SPOPL: variants seen among roughly 807,000 people sequenced by gnomAD.
SPOPL encodes the protein speckle-type POZ protein-like.
Under a neutral mutation model 53.8 loss-of-function variants are expected in SPOPL, and 23 were observed. The ratio of observed to expected loss-of-function variants is 0.43; its 90% CI spans 0.31 to 0.61. The LOEUF (loss-of-function observed/expected upper bound fraction) is 0.61, where lower values mean the gene tolerates loss of function less well. Ranked by LOEUF, SPOPL falls within the 20% of genes least tolerant of loss-of-function variation. The pLI is 0.12. For missense variants in SPOPL, 442 were observed against 466.9 expected, an observed-to-expected ratio of 0.95 and a Z score of 0.49; for synonymous variants, 164 against 149.7, an observed-to-expected ratio of 1.10 and a Z score of -0.70.
chr2:138,541,383 T>G (rs1271669962), intron 1 of SPOPL, among the ~76,000 whole-genome samples: 1 of 152,194 alleles, frequency 6.6e-6, no homozygotes, highest in Non-Finnish European at 1.5e-5. Flanking sequence ...TGCACTTTTT[T>G]TGGTTGGTAA....
rs1685810202 is a variant in SPOPL at position 138,572,539 on chromosome 2, A to G, written c.*3459A>G. 1.3e-5 allele frequency: 2 copies of G among 152,534 alleles called. No individual in the cohort carries two copies. The highest frequency in any genetic ancestry group is 1.5e-5 in the Non-Finnish European group (1 of 67,986). 9.4% of individuals were successfully genotyped at this position (152,534 alleles called of 1,614,324 possible). ...CTTAAGTATACTTGGCTTAGAGCCA[A>G]GTATACTTGAAGAGGTGAATTATTC... On this transcript the variant is annotated 3_prime_UTR_variant, in exon 11 of 11. Transcript: ENST00000280098.
chr2:138,529,241 T>C (rs1684747398), intron 1 of SPOPL, among the ~76,000 whole-genome samples: 1 of 152,184 alleles, frequency 6.6e-6, no homozygotes, highest in Non-Finnish European at 1.5e-5. Context: ...CTACTAGAAA[T>C]GGTTGTCCCT....
chr2:138,546,947 T>C (rs752759279), intron 1 of SPOPL, among the ~76,000 whole-genome samples: 2 of 152,162 alleles, frequency 1.3e-5, no homozygotes, highest in Non-Finnish European at 2.9e-5. Flanking sequence ...ATCTTTTATG[T>C]AGCTTGCTTT....
At chr2:138,526,717 A>T (rs1684683982) in intron 1 of SPOPL, among the ~76,000 whole-genome samples, 1 of 146,242 alleles carries the variant, frequency 6.8e-6, no homozygotes, top group Non-Finnish European at 1.5e-5. Flanking sequence ...ATTCTTAAAT[A>T]GAGTATGGAA....
chr2:138,550,905 G>T lies in SPOPL; in HGVS notation c.203G>T (p.Cys68Phe). ...SSGPSDKMKW[C>F]LRVNPKGLDD... ...GTGAGCTTATTGTTTTATTTTAGGT[G>T]CCTGAGGGTAAACCCAAAGGGATTA... The change falls in exon 4 of 11, where the codon TGC (cysteine) becomes TTC (phenylalanine). Residue 68 changes from cysteine to phenylalanine, a missense_variant and splice_region_variant. Cys to Phe is a radical substitution (Grantham distance 205). Transcript: ENST00000280098. 6.2e-7 allele frequency: 1 copy of T among 1,605,980 alleles called. No homozygotes were observed. Among genetic ancestry groups the T allele is most frequent in the South Asian group, 1.1e-5 (1 of 89,520 alleles).
intron 10 of SPOPL, 85 bp from the exon 11 acceptor site, chr2:138,568,851 T>C: frequency 7.0e-7 from 1 of 1,435,956 alleles, no homozygotes; most frequent in East Asian, 2.3e-5. Flanking sequence ...TATTTTGAAA[T>C]TTGCAAGTTT....
intron 1 of SPOPL, among the ~76,000 whole-genome samples, chr2:138,516,731 A>G (rs958101230): frequency 6.6e-6 from 1 of 152,242 alleles, no homozygotes; most frequent in Non-Finnish European, 1.5e-5. Flanking sequence ...ACAGTTGCCA[A>G]ACAGTTTTGG....
At chr2:138,521,935 G>T (rs535999439) in intron 1 of SPOPL, among the ~76,000 whole-genome samples, 79 of 152,250 alleles carry the variant, frequency 5.2e-4, no homozygotes, top group Non-Finnish European at 7.5e-4. Flanking sequence ...ATGATGATGA[G>T]TTTTTTGTGT....
chr2:138,529,535 TTTGC>T (rs1267497631), intron 1 of SPOPL, among the ~76,000 whole-genome samples: 5 of 103,300 alleles, frequency 4.8e-5, no homozygotes, highest in South Asian at 3.2e-4. Flanking sequence ...TGTGTGTGTG[TTTGC>T]GTGCGCGCGC....
intron 10 of SPOPL, 165 bp downstream of exon 10, chr2:138,565,158 A>ATGCT: frequency 1.2e-6 from 1 of 848,052 alleles, no homozygotes; most frequent in Non-Finnish European, 1.8e-6. Context: ...TCCTGAGGCT[A>ATGCT]TGCTCCCTTG....
chr2:138,526,706 C>G (rs1208074829), intron 1 of SPOPL, among the ~76,000 whole-genome samples: 1 of 150,080 alleles, frequency 6.7e-6, no homozygotes, highest in Non-Finnish European at 1.5e-5. Context: ...ATTTGGTCCT[C>G]ATTCTTAAAT....
chr2:138,528,476 G>A (rs973790856), intron 1 of SPOPL, among the ~76,000 whole-genome samples: 3 of 152,004 alleles, frequency 2.0e-5, no homozygotes, highest in Admixed American at 1.3e-4. Context: ...ATTTTCTAAC[G>A]TTGTTATTGG....
Position 138,550,947 on chromosome 2 carries a change from A to T in SPOPL, c.245A>T (p.Asp82Val). The T allele has an allele frequency of 6.2e-7, 1 of 1,613,270 alleles. No individual in the cohort carries two copies. Among genetic ancestry groups the T allele is most frequent in the Non-Finnish European group, 8.5e-7 (1 of 1,179,504 alleles). ...NPKGLDDESKDYLSLYLLLVS... is the reference protein window; with the variant it reads ...NPKGLDDESKVYLSLYLLLVS... The stretch of plus-strand genomic sequence containing the variant: ...AAGGGATTAGATGATGAAAGTAAAG[A>T]CTACTTGTCCTTATATTTGCTTTTA... The change falls in exon 4 of 11, where the codon GAC becomes GTC. Residue 82 changes from aspartate to valine, a missense_variant. Asp to Val is a radical substitution (Grantham distance 152). Coordinates refer to ENST00000280098, the MANE Select transcript of SPOPL (RefSeq NM_001001664.3).
chr2:138,515,081 C>T (rs537947875), intron 1 of SPOPL, among the ~76,000 whole-genome samples: 2 of 152,126 alleles, frequency 1.3e-5, no homozygotes, highest in Non-Finnish European at 2.9e-5. Context: ...TGGTAAGATG[C>T]AGAATATACA....
chr2:138,550,328 A>G, intron 2 of SPOPL, 34 bp downstream of exon 2: 2 of 1,611,312 alleles, frequency 1.2e-6, no homozygotes, highest in Non-Finnish European at 1.7e-6. Context: ...ACTTTATGTC[A>G]CTTATAAATT....
In SPOPL at chr2:138,567,118, C is replaced by T. The variant is rs1046033549; in HGVS notation, c.1035-1818C>T. 5.3e-5 allele frequency among the ~76,000 whole-genome samples: 8 copies of T among 152,140 alleles called. No homozygotes were observed. In the South Asian group the frequency reaches 1.7e-3, roughly 32 times the overall value. The stretch of plus-strand genomic sequence containing the variant: ...GTGAGCATGACATATATTTTCCCTG[C>T]CTTCACGGAGTTTATGGTCTAGCAG... On this transcript the variant is annotated intron_variant, in intron 10 of 10. Coordinates refer to ENST00000280098, the MANE Select transcript of SPOPL (RefSeq NM_001001664.3).
At position 138,571,444 on chromosome 2, in the gene SPOPL, G is replaced by GT. The variant is rs1445349279; in HGVS notation, c.*2365dup. 3 of 152,320 alleles carry GT rather than the reference G, an allele frequency of 2.0e-5. No homozygotes were observed. Among genetic ancestry groups the GT allele is most frequent in the Non-Finnish European group, 4.4e-5 (3 of 67,978 alleles). 9.4% of individuals were successfully genotyped at this position (152,320 alleles called of 1,614,324 possible). Reference sequence around the variant, plus strand: ...TTTTGTACCAAAAATGTCAAACACTGTGCTGTAAGAATATCCATGTTTGTA... The same window carrying GT: ...TTTTGTACCAAAAATGTCAAACACTGTTGCTGTAAGAATATCCATGTTTGTA... On this transcript the variant is annotated 3_prime_UTR_variant, in exon 11 of 11. Transcript: ENST00000280098.
rs752693154 is a variant in SPOPL at position 138,568,937 on chromosome 2, C to A, written c.1036C>A (p.Gln346Lys). The A allele has an allele frequency of 1.2e-6, 2 of 1,613,334 alleles. No individual in the cohort carries two copies. Among genetic ancestry groups the A allele is most frequent in the Admixed American group, 1.7e-5 (1 of 59,862 alleles). ...CKDGKNWNSN[Q>K]ATDIMETSGW... ...ATATCTTTTAATTCTATTTTTCAGC[C>A]AAGCAACCGACATAATGGAAACATC... The change falls in exon 11 of 11, where the codon CAA (glutamine) becomes AAA (lysine). Residue 346 changes from glutamine (Q) to lysine (K), a missense_variant and splice_region_variant. Coordinates refer to ENST00000280098, the MANE Select transcript of SPOPL (RefSeq NM_001001664.3).
intron 1 of SPOPL, among the ~76,000 whole-genome samples, chr2:138,540,289 A>G (rs1685041208): frequency 1.3e-5 from 2 of 152,128 alleles, no homozygotes; most frequent in African/African-American, 2.4e-5. Flanking sequence ...GAAGAAAGTC[A>G]TTGGTAGCTT....
Sources: gnomAD v4.1 joint callset for allele counts (sites outside exome capture counted in the v4.1 genomes callset) on GRCh38, gnomAD v4.1.1 for gene constraint, MANE v1.5 for transcripts, NCBI Gene and HGNC (gene_info 2026-07-23, HGNC 2026-07-21) for gene names.